FAAH2: variants seen among roughly 807,000 people sequenced by gnomAD.
FAAH2 encodes the protein fatty acid amide hydrolase 2.
In FAAH2, 60 loss-of-function variants were observed where a neutral mutation model predicts 36.9. That is an observed-to-expected ratio of 1.63 (90% CI 1.32 to 2.02). The LOEUF (loss-of-function observed/expected upper bound fraction) is 2.02. FAAH2 is among the 30% of genes most tolerant of loss of function. The pLI is 0.00. For missense variants in FAAH2, 689 were observed against 397.5 expected (o/e 1.73, Z -6.23); for synonymous variants, 214 against 143.8 (o/e 1.49, Z -3.49).
intron 10 of FAAH2, among the ~76,000 whole-genome samples, chrX:57,466,648 A>G (rs1182167478): frequency 1.8e-5 from 2 of 111,078 alleles, no homozygotes; most frequent in African/African-American, 6.5e-5. Context: ...CAAAGGACAC[A>G]ATTAAGATTC....
intron 8 of FAAH2, among the ~76,000 whole-genome samples, chrX:57,442,014 GTACTT>G (rs2056569678): frequency 8.9e-6 from 1 of 111,871 alleles, no homozygotes. Context: ...TTGCTGAAGA[GTACTT>G]TACTTCCAAC....
the FAAH2 span, among the ~76,000 whole-genome samples, chrX:57,142,879 A>C: frequency 1.8e-5 from 2 of 111,207 alleles, no homozygotes; most frequent in Non-Finnish European, 3.8e-5. Context: ...TTCTTTTTAC[A>C]GTTTTTGGCT....
chrX:57,467,454 T>A (rs1328653448), intron 10 of FAAH2, among the ~76,000 whole-genome samples: 1 of 111,979 alleles, frequency 8.9e-6, no homozygotes, highest in African/African-American at 3.2e-5. Context: ...GGAGATTATA[T>A]CCTGCACCTG....
At chrX:57,307,428 C>A (rs2052573796) in intron 2 of FAAH2, among the ~76,000 whole-genome samples, 1 of 110,562 alleles carries the variant, frequency 9.0e-6, no homozygotes, top group Non-Finnish European at 1.9e-5. Flanking sequence ...AATAGTGGAG[C>A]TGAGATACAA....
intron 7 of FAAH2, among the ~76,000 whole-genome samples, chrX:57,382,058 C>A (rs1017626560): frequency 5.4e-5 from 6 of 111,676 alleles, no homozygotes; most frequent in Admixed American, 9.5e-5. Context: ...AACTGAACAA[C>A]CTGCTCCTGA....
chrX:57,250,031 T>A, the FAAH2 span, among the ~76,000 whole-genome samples: 1 of 112,036 alleles, frequency 8.9e-6, no homozygotes, highest in African/African-American at 3.2e-5. Flanking sequence ...CCATGAAGAC[T>A]TCATAAAACA....
intron 10 of FAAH2, among the ~76,000 whole-genome samples, chrX:57,479,393 A>C (rs1368004523): frequency 9.0e-6 from 1 of 111,566 alleles, no homozygotes; most frequent in Non-Finnish European, 1.9e-5. Flanking sequence ...TTTTGGGCTG[A>C]GACAATGGGG....
intron 7 of FAAH2, among the ~76,000 whole-genome samples, chrX:57,397,516 T>C (rs1014181145): frequency 2.4e-4 from 27 of 111,352 alleles, no homozygotes; most frequent in African/African-American, 8.8e-4. Context: ...TTACGTTTTT[T>C]CATTTATAAA....
chrX:57,254,843 C>T, the FAAH2 span, among the ~76,000 whole-genome samples: 1 of 110,558 alleles, frequency 9.0e-6, no homozygotes, highest in South Asian at 3.9e-4. Context: ...AAATTGACAC[C>T]CTAACATCAA....
At chrX:57,358,149 T>A (rs2054204811) in intron 5 of FAAH2, among the ~76,000 whole-genome samples, 2 of 94,449 alleles carry the variant, frequency 2.1e-5, no homozygotes, top group South Asian at 5.1e-4. Flanking sequence ...GTAGTTAGTT[T>A]GAGATCTTTT....
intron 2 of FAAH2, among the ~76,000 whole-genome samples, chrX:57,304,201 T>C (rs908699588): frequency 9.0e-6 from 1 of 111,534 alleles, no homozygotes; most frequent in Non-Finnish European, 1.9e-5. Flanking sequence ...AGAGAGACTG[T>C]CTCAAAAACA....
At chrX:57,413,334 T>C (rs1210204786) in intron 7 of FAAH2, among the ~76,000 whole-genome samples, 1 of 112,476 alleles carries the variant, frequency 8.9e-6, no homozygotes, top group Non-Finnish European at 1.9e-5. Flanking sequence ...TAGGTTTTCT[T>C]CTAAGGTTTT....
chrX:57,275,088 A>T, the FAAH2 span, among the ~76,000 whole-genome samples: 1 of 111,950 alleles, frequency 8.9e-6, no homozygotes, highest in Non-Finnish European at 1.9e-5. Context: ...TGCAAAAATC[A>T]CAGGCATTCT....
the FAAH2 span, among the ~76,000 whole-genome samples, chrX:57,240,292 C>A: frequency 9.0e-6 from 1 of 111,125 alleles, no homozygotes; most frequent in Non-Finnish European, 1.9e-5. Flanking sequence ...ATTCAGGGGG[C>A]CAACATTCAG....
chrX:57,365,527 CTG>C (rs2054391502), intron 5 of FAAH2, among the ~76,000 whole-genome samples: 1 of 111,815 alleles, frequency 8.9e-6, no homozygotes, highest in Non-Finnish European at 1.9e-5. Flanking sequence ...TCTGATGACT[CTG>C]TGCTTTTGGC....
At chrX:57,383,269 A>G (rs1352816425) in intron 7 of FAAH2, among the ~76,000 whole-genome samples, 1 of 112,166 alleles carries the variant, frequency 8.9e-6, no homozygotes, top group African/African-American at 3.2e-5. Context: ...CTGGCACAAG[A>G]CAGCGATGCT....
chrX:57,288,383 T>A lies in FAAH2; in HGVS notation c.192+1366T>A, dbSNP rs906401526. On this transcript the variant is annotated intron_variant, in intron 1 of 10. Transcript: ENST00000374900. ...TTTTTTTTTTGAGACGGAGTCTCGC[T>A]CTGTCGCCTGGGCTGGAGTGCAGTG... 5.6e-5 allele frequency among the ~76,000 whole-genome samples: 5 copies of A among 88,972 alleles called. No individual in the cohort carries two copies. The East Asian group carries it at 1.6e-3, about 28-fold the overall frequency. The allele number at this position is 88,972 out of a possible 115,157, so 77.3% of individuals were successfully genotyped here. A position where few individuals can be genotyped will look rare whatever the true frequency, so the allele number is the denominator to read the frequency against.
intron 5 of FAAH2, among the ~76,000 whole-genome samples, chrX:57,363,142 G>A (rs2054326859): frequency 9.0e-6 from 1 of 111,717 alleles, no homozygotes; most frequent in South Asian, 3.7e-4. Flanking sequence ...GGGATAGCAA[G>A]GAATCTGTAA....
At chrX:57,453,639 C>G (rs1476531687) in intron 10 of FAAH2, among the ~76,000 whole-genome samples, 1 of 111,043 alleles carries the variant, frequency 9.0e-6, no homozygotes, top group African/African-American at 3.3e-5. Flanking sequence ...AAACCCGCCA[C>G]TCATAGCCAG....
Sources: allele counts gnomAD v4.1 joint callset (sites outside exome capture counted in the v4.1 genomes callset), GRCh38; gene constraint gnomAD v4.1.1; transcripts MANE v1.5; gene names NCBI Gene and HGNC (gene_info 2026-07-23, HGNC 2026-07-21).